The following SNRNP40 variants were observed in gnomAD, a reference collection of about 807,000 sequenced individuals.
SNRNP40 encodes U5 small nuclear ribonucleoprotein 40 kDa protein.
A neutral mutation model predicts 45.8 loss-of-function variants in SNRNP40; 21 were observed. That is an observed-to-expected ratio of 0.46 (90% CI 0.32 to 0.66). The LOEUF is 0.66. SNRNP40 is among the 30% of genes least tolerant of loss of function. The pLI is 0.03. For synonymous variants in SNRNP40, 142 were observed against 163.8 expected, an observed-to-expected ratio of 0.87 and a Z score of 1.01; for missense variants, 344 against 439.1, an observed-to-expected ratio of 0.78 and a Z score of 1.94.
intron 5 of SNRNP40, among the ~76,000 whole-genome samples, chr1:31,278,985 A>C (rs970930583): frequency 3.9e-5 from 6 of 152,136 alleles, no homozygotes; most frequent in Non-Finnish European, 8.8e-5. Flanking sequence ...AACTCAGGGA[A>C]GAGAGAAGAC....
rs555410564 is a variant in SNRNP40, at chr1:31,287,867, G to A, written c.531+1387C>T. On this transcript the variant is annotated intron_variant, in intron 4 of 9. Transcript: ENST00000263694. ...ACAAAAACTAGCTGGGCGTGGTATG[G>A]GTCCCTGTAGTCCCAGCTACTAGGG... Among the ~76,000 whole-genome samples, 5 of 152,240 alleles carry A rather than the reference G, an allele frequency of 3.3e-5. No homozygotes were observed. In the South Asian group the frequency reaches 1.0e-3, roughly 32 times the overall value.
chr1:31,271,995 G>A (rs1440542680), intron 5 of SNRNP40, among the ~76,000 whole-genome samples: 1 of 151,896 alleles, frequency 6.6e-6, no homozygotes, highest in Non-Finnish European at 1.5e-5. Context: ...AAATATAAAC[G>A]AATGCATATC....
chr1:31,275,914 A>C (rs75332818), intron 5 of SNRNP40, among the ~76,000 whole-genome samples: 2,171 of 152,330 alleles, frequency 0.014, 53 homozygotes, highest in African/African-American at 0.049. Context: ...ATTAATTTTC[A>C]TCTGGAAATC....
intron 5 of SNRNP40, among the ~76,000 whole-genome samples, chr1:31,273,639 T>C (rs1645954245): frequency 1.1e-5 from 1 of 91,382 alleles, no homozygotes; most frequent in Non-Finnish European, 2.6e-5. Flanking sequence ...AAACTCTGTC[T>C]CAAAAAAAAA....
chr1:31,291,864 G>T, intron 3 of SNRNP40, 49 bp downstream of exon 3: 3 of 1,231,420 alleles, frequency 2.4e-6, no homozygotes, highest in Non-Finnish European at 3.5e-6. Context: ...GTGAAAGGAC[G>T]CCAAGAATTA....
rs767639633 is a variant in SNRNP40 at position 31,261,552 on chromosome 1, G to C, written c.1001C>G (p.Ala334Gly). 2.5e-6 allele frequency: 4 copies of C among 1,613,536 alleles called. No individual in the cohort carries two copies. The African/African-American group carries it at 5.3e-5, about 22-fold the overall frequency. The change falls in exon 9 of 10, where the codon GCT (alanine) becomes GGT (glycine). Residue 334 changes from alanine to glycine, a missense_variant. Ala to Gly is a moderately conservative substitution (Grantham distance 60). Coordinates refer to ENST00000263694, the MANE Select transcript of SNRNP40 (RefSeq NM_004814.3). Reference sequence around the variant, plus strand: ...ACTGATGGGCTCATCAGGGTGGAAAGCCACTTCATTGATGGAGCCAGCATG... The same window carrying C: ...ACTGATGGGCTCATCAGGGTGGAAACCCACTTCATTGATGGAGCCAGCATG... ...PGHAGSINEV[A>G]FHPDEPIIIS...
chr1:31,283,983 G>C (rs550501163), intron 4 of SNRNP40, among the ~76,000 whole-genome samples: 13 of 152,230 alleles, frequency 8.5e-5, no homozygotes, highest in African/African-American at 3.1e-4. Context: ...CAGCACTTTC[G>C]GAGGCCGAGG....
chr1:31,280,218 C>A (rs1646006292), intron 5 of SNRNP40, among the ~76,000 whole-genome samples: 3 of 145,574 alleles, frequency 2.1e-5, no homozygotes, highest in Non-Finnish European at 4.5e-5. Flanking sequence ...GGCTGGAGTG[C>A]AGTGGCGTGA....
At chr1:31,262,542 AAAGAG>A (rs55758739) in intron 8 of SNRNP40, among the ~76,000 whole-genome samples, 30,566 of 107,542 alleles carry the variant, frequency 0.28, 4,322 homozygotes, top group Non-Finnish European at 0.43. Flanking sequence ...AAAAAAAAAA[AAAGAG>A]GAGAAAAAAG....
intron 8 of SNRNP40, among the ~76,000 whole-genome samples, chr1:31,262,595 A>G (rs1271171938): frequency 1.3e-5 from 2 of 151,652 alleles, no homozygotes; most frequent in African/African-American, 4.8e-5. Context: ...TAGAGATAAG[A>G]AAACTGGGGC....
chr1:31,259,774 C>T lies in SNRNP40; in HGVS notation c.*298G>A, dbSNP rs1283802494. 5 of 541,510 alleles carry T rather than the reference C, an allele frequency of 9.2e-6. No individual in the cohort carries two copies. In the African/African-American group the frequency reaches 9.7e-5, roughly 11 times the overall value. 33.5% of individuals were successfully genotyped at this position (541,510 alleles called of 1,614,324 possible). ...CAGTTACAAAAAAAAAAAAAAAATCCCAACCAACAAATTTGTCACATTGGG... is the reference window on the plus strand; with the variant it reads ...CAGTTACAAAAAAAAAAAAAAAATCTCAACCAACAAATTTGTCACATTGGG... On this transcript the variant is annotated 3_prime_UTR_variant, in exon 10 of 10. Transcript: ENST00000263694.
intron 5 of SNRNP40, among the ~76,000 whole-genome samples, chr1:31,276,549 G>A (rs1487254313): frequency 1.3e-5 from 2 of 151,900 alleles, no homozygotes; most frequent in African/African-American, 4.8e-5. Context: ...AAAGGTGGGG[G>A]TGGGGGATTC....
intron 4 of SNRNP40, among the ~76,000 whole-genome samples, chr1:31,282,912 G>C (rs1646030354): frequency 6.6e-6 from 1 of 152,160 alleles, no homozygotes; most frequent in Admixed American, 6.6e-5. Flanking sequence ...CTGGCCTCAA[G>C]TGATCTGTCT....
At position 31,260,055 on chromosome 1, in the gene SNRNP40, T is replaced by C; in HGVS notation, c.*17A>G. On this transcript the variant is annotated 3_prime_UTR_variant, in exon 10 of 10. Coordinates refer to ENST00000263694, the MANE Select transcript of SNRNP40 (RefSeq NM_004814.3). ...GTCTCAAAGACAAGCGGCCTTGGAG[T>C]CTTCCAGTCCATATCTTCACTGAAT... 6.3e-7 allele frequency: 1 copy of C among 1,597,750 alleles called. No homozygotes were observed. Among genetic ancestry groups the C allele is most frequent in the East Asian group, 2.2e-5 (1 of 44,810 alleles).
intron 5 of SNRNP40, among the ~76,000 whole-genome samples, chr1:31,275,883 T>A (rs1645970850): frequency 6.6e-6 from 1 of 152,194 alleles, no homozygotes; most frequent in Non-Finnish European, 1.5e-5. Context: ...ATATGAAACA[T>A]CCTTATACTT....
intron 5 of SNRNP40, among the ~76,000 whole-genome samples, chr1:31,275,634 C>T (rs541127285): frequency 6.6e-6 from 1 of 152,318 alleles, no homozygotes; most frequent in Non-Finnish European, 1.5e-5. Flanking sequence ...AAGTGATCTG[C>T]CCGCCTTGGC....
chr1:31,282,680 T>A (rs961997537), intron 4 of SNRNP40, among the ~76,000 whole-genome samples: 2 of 151,838 alleles, frequency 1.3e-5, no homozygotes, highest in African/African-American at 4.8e-5. Context: ...AATCTCTATC[T>A]ATCTATCTAT....
chr1:31,293,498 T>C, intron 1 of SNRNP40, 150 bp from the exon 2 acceptor site: 1 of 727,570 alleles, frequency 1.4e-6, no homozygotes, highest in Non-Finnish European at 2.2e-6. Context: ...CTCATATGAA[T>C]GCCTCCAACT....
In SNRNP40 at chr1:31,287,960, G is replaced by A. The variant is rs560654462; in HGVS notation, c.531+1294C>T. On this transcript the variant is annotated intron_variant, in intron 4 of 9. Transcript: ENST00000263694. ...TGCAGTGAGCTGAGATTGCGCCACT[G>A]CACTCCAGCCTGGGCAACATGGTGA... Among the ~76,000 whole-genome samples the A allele has an allele frequency of 7.2e-5, 11 of 152,246 alleles. No individual in the cohort carries two copies. In the South Asian group the frequency reaches 1.9e-3, roughly 26 times the overall value.
Sources: gnomAD v4.1 joint callset for allele counts (sites outside exome capture counted in the v4.1 genomes callset) on GRCh38, gnomAD v4.1.1 for gene constraint, MANE v1.5 for transcripts, NCBI Gene and HGNC (gene_info 2026-07-23, HGNC 2026-07-21) for gene names.